Variants in ARPC2 observed in about 807,000 individuals in gnomAD.
ARPC2 encodes the protein actin related protein 2/3 complex subunit 2.
A neutral mutation model predicts 38.6 loss-of-function variants in ARPC2; 4 were observed. The observed-to-expected ratio is 0.10, with a 90% CI of 0.05 to 0.24. The LOEUF (loss-of-function observed/expected upper bound fraction) is 0.24, where lower values mean the gene tolerates loss of function less well. Ranked by LOEUF, ARPC2 falls within the 10% of genes least tolerant of loss-of-function variation. The pLI is 1.00. For missense variants in ARPC2, 229 were observed against 387.3 expected (o/e 0.59, Z 3.43); for synonymous variants, 125 against 140.8 (o/e 0.89, Z 0.79).
intron 2 of ARPC2, among the ~76,000 whole-genome samples, chr2:218,223,669 G>A (rs538900788): frequency 1.3e-5 from 2 of 152,288 alleles, no homozygotes; most frequent in African/African-American, 4.8e-5. Context: ...GGAACCTGAG[G>A]CCCGGTGACA....
At chr2:218,237,022 G>A (rs1464235080) in intron 5 of ARPC2, among the ~76,000 whole-genome samples, 4 of 152,076 alleles carry the variant, frequency 2.6e-5, no homozygotes, top group African/African-American at 7.2e-5. Context: ...GTTCCAGCCG[G>A]CTTCTGGGAA....
At chr2:218,240,867 TG>T in intron 7 of ARPC2, among the ~76,000 whole-genome samples, 1 of 143,896 alleles carries the variant, frequency 6.9e-6, no homozygotes, top group Non-Finnish European at 1.5e-5. Flanking sequence ...CACTCCAGCC[TG>T]GGCAAAAAGA....
chr2:218,250,046 A>G, intron 10 of ARPC2, 125 bp downstream of exon 10: 1 of 764,476 alleles, frequency 1.3e-6, no homozygotes, highest in Non-Finnish European at 2.1e-6. Flanking sequence ...CAGCAGGGCT[A>G]AGTAGATAAA....
intron 7 of ARPC2, 72 bp downstream of exon 7, chr2:218,239,556 C>A: frequency 1.6e-6 from 2 of 1,231,376 alleles, no homozygotes; most frequent in Non-Finnish European, 2.4e-6. Flanking sequence ...ATACCATGAG[C>A]GTAGGAAAGA....
At chr2:218,226,071 G>T in intron 3 of ARPC2, 117 bp downstream of exon 3, 2 of 955,098 alleles carry the variant, frequency 2.1e-6, no homozygotes, top group Non-Finnish European at 1.6e-6. Context: ...GAGGCAGGTG[G>T]ATCACCTGAT....
At chr2:218,249,973 AG>A (rs746962770) in intron 10 of ARPC2, 52 bp downstream of exon 10, 1 of 1,471,950 alleles carries the variant, frequency 6.8e-7, no homozygotes, top group Non-Finnish European at 9.3e-7. Context: ...GTCACCGAGA[AG>A]GAAGCAGTGG....
chr2:218,253,328 C>G (rs1308176221), intron 10 of ARPC2, among the ~76,000 whole-genome samples: 1 of 152,164 alleles, frequency 6.6e-6, no homozygotes, highest in African/African-American at 2.4e-5. Flanking sequence ...CTGGGTGGAA[C>G]AGGACACCAC....
intron 5 of ARPC2, among the ~76,000 whole-genome samples, chr2:218,237,610 G>T (rs1017255077): frequency 7.0e-6 from 1 of 143,818 alleles, no homozygotes; most frequent in South Asian, 2.2e-4. Flanking sequence ...CTGGAGTCTC[G>T]CTCTGTTGTG....
intron 4 of ARPC2, chr2:218,234,150 A>G (rs1356983172): frequency 2.1e-6 from 1 of 486,856 alleles, no homozygotes; most frequent in Non-Finnish European, 3.6e-6. Context: ...TCCCAGGCAT[A>G]AAAAGATACT....
chr2:218,222,093 CAT>C (rs1393946752), intron 2 of ARPC2, among the ~76,000 whole-genome samples: 1 of 152,128 alleles, frequency 6.6e-6, no homozygotes, highest in Non-Finnish European at 1.5e-5. Context: ...CATGACAAAA[CAT>C]ATGTCTACTA....
At chr2:218,250,381 G>C (rs4672881) in intron 10 of ARPC2, among the ~76,000 whole-genome samples, 143,933 of 152,260 alleles carry the variant, frequency 0.95, 68,516 homozygotes, top group East Asian at 1. Flanking sequence ...GAGGAGAGCC[G>C]TGACGGGCGC....
At chr2:218,236,909 G>T (rs181000030) in intron 5 of ARPC2, among the ~76,000 whole-genome samples, 57 of 152,296 alleles carry the variant, frequency 3.7e-4, no homozygotes, top group African/African-American at 1.4e-3. Context: ...ATTCCCGTCA[G>T]TTGCCTAGAA....
chr2:218,231,042 T>C (rs997855609), intron 4 of ARPC2, among the ~76,000 whole-genome samples: 4 of 152,084 alleles, frequency 2.6e-5, no homozygotes, highest in Admixed American at 1.3e-4. Context: ...TAAGTAACAT[T>C]CATAGTGTTG....
intron 8 of ARPC2, among the ~76,000 whole-genome samples, chr2:218,247,608 C>T (rs987140468): frequency 3.3e-5 from 5 of 152,240 alleles, no homozygotes; most frequent in African/African-American, 9.6e-5. Context: ...GGACCACAGG[C>T]GTGTGCCACC....
chr2:218,237,540 A>G (rs1180330851), intron 5 of ARPC2, among the ~76,000 whole-genome samples: 1 of 148,238 alleles, frequency 6.7e-6, no homozygotes, highest in Non-Finnish European at 1.5e-5. Context: ...TTTTTTTTTA[A>G]CAGATGAGGA....
At chr2:218,223,463 AT>A (rs1405508402) in intron 2 of ARPC2, among the ~76,000 whole-genome samples, 3 of 152,202 alleles carry the variant, frequency 2.0e-5, no homozygotes, top group Non-Finnish European at 4.4e-5. Flanking sequence ...CCATGAAGTG[AT>A]TCCTTTAAGT....
Position 218,245,405 on chromosome 2 carries a change from G to C in ARPC2, c.550-15G>C. 6.2e-7 allele frequency: 1 copy of C among 1,613,866 alleles called. No individual in the cohort carries two copies. Among genetic ancestry groups the C allele is most frequent in the Non-Finnish European group, 8.5e-7 (1 of 1,179,930 alleles). On this transcript the variant is annotated splice_polypyrimidine_tract_variant and intron_variant, in intron 7 of 10. Coordinates refer to ENST00000315717, the MANE Select transcript of ARPC2 (RefSeq NM_152862.3). ...ACCCACTTCTCTTCTGGTTGCTTTT[G>C]CTTTGTCTTGGCAGGAGTTCAAAGA...
intron 2 of ARPC2, among the ~76,000 whole-genome samples, chr2:218,222,946 A>G (rs1243221015): frequency 6.6e-6 from 1 of 152,166 alleles, no homozygotes; most frequent in East Asian, 1.9e-4. Context: ...ACATGATTGT[A>G]TTTGTATGGC....
chr2:218,245,513 G>T lies in ARPC2; in HGVS notation c.643G>T (p.Ala215Ser). 6.2e-7 allele frequency: 1 copy of T among 1,614,146 alleles called. No individual in the cohort carries two copies. Among genetic ancestry groups the T allele is most frequent in the Non-Finnish European group, 8.5e-7 (1 of 1,180,018 alleles). Residue 215 changes from alanine (A) to serine (S), a missense_variant, in exon 8 of 11, where the codon GCT becomes TCT. Transcript: ENST00000315717. Reference protein sequence around the residue: ...PPLELKDTDAAVGDNIGYITF... With the variant: ...PPLELKDTDASVGDNIGYITF... ...TCTGGAGCTGAAAGACACAGACGCC[G>T]CTGTGGGTGACAACATTGGCTACAT... is the stretch of plus-strand genomic sequence containing the variant.
Sources: gnomAD v4.1 joint callset for allele counts (sites outside exome capture counted in the v4.1 genomes callset) on GRCh38, gnomAD v4.1.1 for gene constraint, MANE v1.5 for transcripts, NCBI Gene and HGNC (gene_info 2026-07-23, HGNC 2026-07-21) for gene names.